The following SI variants were observed in gnomAD, a reference collection of about 807,000 sequenced individuals.
The protein encoded by SI is sucrase-isomaltase, intestinal.
SI carries 235 observed loss-of-function variants against 253.3 expected under a neutral mutation model. The observed-to-expected ratio is 0.93, with a 90% CI of 0.83 to 1.03. SI has a LOEUF of 1.03. Ranked by LOEUF, SI falls within the 50% of genes least tolerant of loss-of-function variation. The pLI is 0.00. For synonymous variants in SI, 819 were observed against 712.0 expected, an observed-to-expected ratio of 1.15 and a Z score of -2.39; for missense variants, 2,442 against 2,211.1, an observed-to-expected ratio of 1.10 and a Z score of -2.09.
At chr3:164,995,029 G>C (rs1308050770) in intron 40 of SI, among the ~76,000 whole-genome samples, 1 of 151,692 alleles carries the variant, frequency 6.6e-6, no homozygotes, top group African/African-American at 2.4e-5. Context: ...GCACATATTA[G>C]TTAAAAAATA....
chr3:165,029,965 G>C (rs1255763842), intron 25 of SI, among the ~76,000 whole-genome samples: 1 of 150,374 alleles, frequency 6.7e-6, no homozygotes. Context: ...TTAATGGAGA[G>C]AAATTGGGAT....
chr3:165,059,295 G>A lies in SI; in HGVS notation c.1151C>T (p.Thr384Ile), dbSNP rs1348699193. The A allele has an allele frequency of 6.2e-7, 1 of 1,612,128 alleles. No individual in the cohort carries two copies. Among genetic ancestry groups the A allele is most frequent in the Non-Finnish European group, 8.5e-7 (1 of 1,178,706 alleles). Residue 384 changes from threonine to isoleucine, a missense_variant, in exon 11 of 48, where the codon ACA (threonine) becomes ATA (isoleucine). By Grantham distance (89) the Thr-to-Ile change is moderately conservative (BLOSUM62 -1). Transcript: ENST00000264382. ...RNREAGIPFDTQVTDIDYMED... is the reference protein window; with the variant it reads ...RNREAGIPFDIQVTDIDYMED... Reference sequence around the variant, plus strand: ...CATGTAGTCAATATCAGTGACCTGTGTATCCTGAAAGTTAGAAGATTGTAT... The same window carrying A: ...CATGTAGTCAATATCAGTGACCTGTATATCCTGAAAGTTAGAAGATTGTAT...
intron 7 of SI, among the ~76,000 whole-genome samples, chr3:165,064,097 A>C (rs1714109416): frequency 6.6e-6 from 1 of 151,538 alleles, no homozygotes; most frequent in Non-Finnish European, 1.5e-5. Context: ...ATAAAAAATA[A>C]AAATAAATAA....
chr3:165,075,293 A>T (rs1433909763), intron 2 of SI, among the ~76,000 whole-genome samples: 2 of 152,022 alleles, frequency 1.3e-5, no homozygotes, highest in African/African-American at 4.8e-5. Context: ...GTAGTCTAGA[A>T]GATAATGTGT....
chr3:165,052,426 C>T (rs1047625670), intron 13 of SI, among the ~76,000 whole-genome samples: 7 of 151,960 alleles, frequency 4.6e-5, no homozygotes, highest in Admixed American at 3.3e-4. Context: ...GAGGCCAAGG[C>T]GGGTGGATCA....
the SI span, among the ~76,000 whole-genome samples, chr3:165,090,172 A>G: frequency 6.6e-6 from 1 of 150,744 alleles, no homozygotes; most frequent in Non-Finnish European, 1.5e-5. Context: ...AGAGAGAGAG[A>G]GAGAGAGAAC....
chr3:165,072,986 A>G (rs1714681043), intron 3 of SI, among the ~76,000 whole-genome samples: 1 of 152,138 alleles, frequency 6.6e-6, no homozygotes, highest in Admixed American at 6.6e-5. Context: ...TAACTTGCTT[A>G]CTTCACAAAT....
intron 5 of SI, 86 bp from the exon 6 acceptor site, chr3:165,067,577 A>C: frequency 8.4e-7 from 1 of 1,186,660 alleles, no homozygotes; most frequent in Middle Eastern, 2.7e-4. Context: ...GCAAGTTCCA[A>C]ATAAAAAATA....
At chr3:165,025,830 C>G (rs1184617951) in intron 25 of SI, among the ~76,000 whole-genome samples, 1 of 151,312 alleles carries the variant, frequency 6.6e-6, no homozygotes, top group Non-Finnish European at 1.5e-5. Flanking sequence ...ACAGAAACTG[C>G]TAAAAGGAGC....
intron 35 of SI, among the ~76,000 whole-genome samples, chr3:165,008,596 T>G (rs1295191050): frequency 2.0e-5 from 3 of 152,078 alleles, no homozygotes; most frequent in Admixed American, 6.6e-5. Context: ...CTACATCTAA[T>G]AAACATAGAT....
At chr3:165,067,532 C>T (rs1189052903) in intron 5 of SI, 41 bp from the exon 6 acceptor site, 1 of 1,516,996 alleles carries the variant, frequency 6.6e-7, no homozygotes, top group Admixed American at 1.7e-5. Flanking sequence ...GGATTCTAAA[C>T]TATTATTTAA....
At chr3:165,016,458 A>G (rs1466279023) in intron 31 of SI, among the ~76,000 whole-genome samples, 1 of 152,026 alleles carries the variant, frequency 6.6e-6, no homozygotes, top group African/African-American at 2.4e-5. Context: ...CAGTATATAC[A>G]GAAAGAGATG....
At position 165,049,807 on chromosome 3, in the gene SI, A is replaced by G. The variant is rs1485650102; in HGVS notation, c.1581T>C (p.Tyr527=). Residue 527 remains tyrosine (Y), a synonymous_variant, in exon 14 of 48, where the codon TAT becomes TAC. Transcript: ENST00000264382. ...AAATTTTACCAGGAGTAAACGGTGG[A>G]TAATTCAATTTGTTTACATTACATC... ...TKGCNVNKLN[Y]PPFTPDILDK... 3 of 1,598,396 alleles carry G rather than the reference A, an allele frequency of 1.9e-6. No individual in the cohort carries two copies. The South Asian group carries it at 3.3e-5, about 18-fold the overall frequency.
chr3:164,981,279 C>A (rs1717177268), intron 47 of SI, among the ~76,000 whole-genome samples: 1 of 151,858 alleles, frequency 6.6e-6, no homozygotes, highest in Non-Finnish European at 1.5e-5. Flanking sequence ...AAAGGAAAAC[C>A]CCACTTGTCA....
intron 35 of SI, 131 bp downstream of exon 35, chr3:165,009,148 T>C: frequency 1.5e-6 from 1 of 664,010 alleles, no homozygotes; most frequent in Non-Finnish European, 2.7e-6. Flanking sequence ...GTAAGAAAGT[T>C]CTGTGGGGGA....
chr3:165,039,981 A>G lies in SI; in HGVS notation c.2160-10T>C. The G allele has an allele frequency of 5.6e-6, 9 of 1,597,156 alleles. No homozygotes were observed. The highest frequency in any genetic ancestry group is 1.1e-5 in the South Asian group (1 of 90,754). ...CGTATCCTCATAAAACCTAAGAACA[A>G]TGACAATGTTTAAAGTATAATAATG... On this transcript the variant is annotated splice_polypyrimidine_tract_variant and intron_variant, in intron 18 of 47. Coordinates refer to ENST00000264382, the MANE Select transcript of SI (RefSeq NM_001041.4).
intron 10 of SI, 77 bp downstream of exon 10, chr3:165,059,825 G>C: frequency 6.9e-7 from 1 of 1,454,158 alleles, no homozygotes; most frequent in South Asian, 1.1e-5. Flanking sequence ...AGATACTCCT[G>C]ACAATTTCCT....
At chr3:165,087,332 A>G in the SI span, among the ~76,000 whole-genome samples, 2 of 152,112 alleles carry the variant, frequency 1.3e-5, no homozygotes, top group Admixed American at 6.6e-5. Flanking sequence ...CCCTTATCAA[A>G]CCAGGTAAAA....
At chr3:165,073,664 C>T (rs1714746655) in intron 3 of SI, among the ~76,000 whole-genome samples, 1 of 151,896 alleles carries the variant, frequency 6.6e-6, no homozygotes, top group South Asian at 2.1e-4. Context: ...AGAGTCAGCC[C>T]TCTGCATCTG....
Sources: allele counts gnomAD v4.1 joint callset (sites outside exome capture counted in the v4.1 genomes callset), GRCh38; gene constraint gnomAD v4.1.1; transcripts MANE v1.5; gene names NCBI Gene and HGNC (gene_info 2026-07-23, HGNC 2026-07-21).